Variants in RBMS1 observed in about 807,000 individuals in gnomAD.
The protein encoded by RBMS1 is RNA-binding motif, single-stranded-interacting protein 1.
A neutral mutation model predicts 62.3 loss-of-function variants in RBMS1; 17 were observed. That is an observed-to-expected ratio of 0.27 (90% CI 0.19 to 0.41). RBMS1 has a LOEUF of 0.41. Among genes scored for constraint, RBMS1 ranks in the 10% least tolerant of loss-of-function variants. The pLI is 1.00. For synonymous variants in RBMS1, 172 were observed against 170.0 expected, an observed-to-expected ratio of 1.01 and a Z score of -0.09; for missense variants, 334 against 504.5, an observed-to-expected ratio of 0.66 and a Z score of 3.24.
intron 1 of RBMS1, among the ~76,000 whole-genome samples, chr2:160,447,930 C>T (rs1683731410): frequency 6.6e-6 from 1 of 152,128 alleles, no homozygotes; most frequent in African/African-American, 2.4e-5. Flanking sequence ...TCACTGAATC[C>T]TTAGCACTCA....
chr2:160,292,923 TG>T (rs1688755434), intron 6 of RBMS1, among the ~76,000 whole-genome samples: 1 of 152,218 alleles, frequency 6.6e-6, no homozygotes, highest in Admixed American at 6.5e-5. Flanking sequence ...AGACCGCCCT[TG>T]CCCCACTGGC....
At chr2:160,432,348 C>G (rs1053026500) in intron 1 of RBMS1, 1 of 152,084 alleles carries the variant, frequency 6.6e-6, no homozygotes, top group Non-Finnish European at 1.5e-5. Flanking sequence ...CCTCTAAGAA[C>G]AGGGAAGATT....
chr2:160,327,274 G>C (rs1265182767), intron 2 of RBMS1, among the ~76,000 whole-genome samples: 1 of 152,170 alleles, frequency 6.6e-6, no homozygotes, highest in East Asian at 1.9e-4. Context: ...ACTAAATTGA[G>C]AATCATTCCT....
chr2:160,471,031 G>A (rs1301565675), intron 1 of RBMS1, among the ~76,000 whole-genome samples: 1 of 152,166 alleles, frequency 6.6e-6, no homozygotes, highest in Non-Finnish European at 1.5e-5. Flanking sequence ...ATGGGGATAA[G>A]CTGTGGGAAA....
chr2:160,294,267 T>C (rs1446727557), intron 6 of RBMS1, among the ~76,000 whole-genome samples: 1 of 152,240 alleles, frequency 6.6e-6, no homozygotes, highest in Non-Finnish European at 1.5e-5. Context: ...TTTTAAAATA[T>C]AGTGACATCA....
chr2:160,422,216 A>G (rs1696463848), intron 1 of RBMS1, among the ~76,000 whole-genome samples: 1 of 152,232 alleles, frequency 6.6e-6, no homozygotes, highest in African/African-American at 2.4e-5. Context: ...CCTTTTTCAG[A>G]TAAATATAGC....
chr2:160,425,976 G>A (rs1403431944), intron 1 of RBMS1, among the ~76,000 whole-genome samples: 1 of 152,052 alleles, frequency 6.6e-6, no homozygotes, highest in East Asian at 1.9e-4. Flanking sequence ...ACTGCTTCTT[G>A]TAAGTTAGTA....
At chr2:160,394,602 T>C (rs1446227629) in intron 1 of RBMS1, among the ~76,000 whole-genome samples, 2 of 152,160 alleles carry the variant, frequency 1.3e-5, no homozygotes, top group Middle Eastern at 3.2e-3. Flanking sequence ...GAGGAGAAAT[T>C]AAAAGCAAAA....
Position 160,298,032 on chromosome 2 carries a change from G to A in RBMS1, c.640+2619C>T, listed in dbSNP as rs112779056. ...ACAGTCAGGGAGAATACCTTAGAGA[G>A]GTAAGAAGAAATAGGGCTGATGCAA... is the stretch of plus-strand genomic sequence containing the variant. On this transcript the variant is annotated intron_variant, in intron 6 of 13. Coordinates refer to ENST00000348849, the MANE Select transcript of RBMS1 (RefSeq NM_016836.4). Among the ~76,000 whole-genome samples the A allele has an allele frequency of 6.2e-3, 941 of 152,286 alleles. 17 individuals carry two copies. The highest frequency in any genetic ancestry group is 0.02 in the African/African-American group (816 of 41,558).
At chr2:160,301,267 T>A (rs529009635) in intron 5 of RBMS1, among the ~76,000 whole-genome samples, 1 of 152,350 alleles carries the variant, frequency 6.6e-6, no homozygotes, top group African/African-American at 2.4e-5. Context: ...GTCAACTATA[T>A]ACTTTCTTTG....
intron 10 of RBMS1, chr2:160,279,694 G>A (rs1323696248): frequency 6.6e-6 from 1 of 152,108 alleles, no homozygotes; most frequent in Non-Finnish European, 1.5e-5. Flanking sequence ...AACTACTAAT[G>A]TATGTTTTGT....
chr2:160,315,321 A>T (rs933383498), intron 3 of RBMS1, among the ~76,000 whole-genome samples: 1 of 152,208 alleles, frequency 6.6e-6, no homozygotes, highest in Non-Finnish European at 1.5e-5. Context: ...AGTAAATAGA[A>T]GACAATATAC....
chr2:160,391,403 G>C (rs972892968), intron 1 of RBMS1, among the ~76,000 whole-genome samples: 31 of 151,766 alleles, frequency 2.0e-4, no homozygotes, highest in Admixed American at 1.8e-3. Context: ...CTTGAACTCA[G>C]AATGCTAGCC....
At chr2:160,369,122 G>A (rs2106026942) in intron 1 of RBMS1, among the ~76,000 whole-genome samples, 1 of 152,322 alleles carries the variant, frequency 6.6e-6, no homozygotes, top group Non-Finnish European at 1.5e-5. Context: ...GCTATTCACT[G>A]AAGGCTGAAC....
chr2:160,471,713 AT>A lies in RBMS1; in HGVS notation c.75+21575del, dbSNP rs1559593680. Among the ~76,000 whole-genome samples, 24 of 120,568 alleles carry A rather than the reference AT, an allele frequency of 2.0e-4. 3 individuals are homozygous for A. Among genetic ancestry groups the A allele is most frequent in the Admixed American group, 2.7e-4 (3 of 11,086 alleles). 79.1% of individuals were successfully genotyped at this position (120,568 alleles called of 152,430 possible). On this transcript the variant is annotated intron_variant, in intron 1 of 13. Transcript: ENST00000348849. ...GGTGTATATATATATATATATATAT[AT>A]ATAACCTTTCATACATTCTGATTAT...
intron 1 of RBMS1, among the ~76,000 whole-genome samples, chr2:160,437,667 A>G (rs554376908): frequency 1.4e-3 from 214 of 152,366 alleles, no homozygotes; most frequent in African/African-American, 4.7e-3. Context: ...ACAATGTCTC[A>G]GAACATTTTT....
At chr2:160,426,995 A>C (rs1682661312) in intron 1 of RBMS1, among the ~76,000 whole-genome samples, 1 of 152,172 alleles carries the variant, frequency 6.6e-6, no homozygotes, top group Admixed American at 6.5e-5. Flanking sequence ...CTACAAATTG[A>C]GATGGTTGGA....
At position 160,382,845 on chromosome 2, in the gene RBMS1, AT is replaced by A. The variant is rs879824469; in HGVS notation, c.76-15455del. Among the ~76,000 whole-genome samples the A allele has an allele frequency of 6.9e-3, 1,026 of 147,806 alleles. 8 individuals carry two copies. Among genetic ancestry groups the A allele is most frequent in the African/African-American group, 0.021 (837 of 40,624 alleles). ...CCACAACACTAACGTAGTTTACTTA[AT>A]TTTTTTTTTTTTAAAAAGCTACTCC... On this transcript the variant is annotated intron_variant, in intron 1 of 13. Transcript: ENST00000348849.
chr2:160,425,645 C>G (rs1340335442), intron 1 of RBMS1, among the ~76,000 whole-genome samples: 1 of 152,170 alleles, frequency 6.6e-6, no homozygotes, highest in African/African-American at 2.4e-5. Flanking sequence ...AGAAGCAAAG[C>G]AGCCGGACTC....
Sources: allele counts gnomAD v4.1 joint callset (sites outside exome capture counted in the v4.1 genomes callset), GRCh38; gene constraint gnomAD v4.1.1; transcripts MANE v1.5; gene names NCBI Gene and HGNC (gene_info 2026-07-23, HGNC 2026-07-21).